KHDRBS1: variants seen among roughly 807,000 people sequenced by gnomAD.
The protein encoded by KHDRBS1 is KH RNA binding domain containing, signal transduction associated 1.
Under a neutral mutation model 48.4 loss-of-function variants are expected in KHDRBS1, and 7 were observed. That is an observed-to-expected ratio of 0.14 (90% CI 0.08 to 0.27). The LOEUF (loss-of-function observed/expected upper bound fraction) is 0.27, where lower values mean the gene tolerates loss of function less well. Among genes scored for constraint, KHDRBS1 ranks in the 10% least tolerant of loss-of-function variants. The probability of loss-of-function intolerance (pLI) is 1.00; values close to 1 mark genes in which losing one functional copy is unlikely to be tolerated. For missense variants in KHDRBS1, 458 were observed against 601.2 expected, an observed-to-expected ratio of 0.76 and a Z score of 2.49; for synonymous variants, 241 against 235.8, an observed-to-expected ratio of 1.02 and a Z score of -0.20.
chr1:32,025,851 C>T (rs1446405015), intron 1 of KHDRBS1, among the ~76,000 whole-genome samples: 1 of 150,312 alleles, frequency 6.7e-6, no homozygotes, highest in Admixed American at 6.7e-5. Context: ...CTCAAGCGAT[C>T]TTCCCACCAC....
chr1:32,020,775 A>G (rs762627805), intron 1 of KHDRBS1, among the ~76,000 whole-genome samples: 88 of 152,324 alleles, frequency 5.8e-4, no homozygotes, highest in Non-Finnish European at 1.0e-3. Context: ...GATGAAGACT[A>G]TATTAGTGGT....
intron 5 of KHDRBS1, 31 bp from the exon 6 acceptor site, chr1:32,037,804 G>A (rs771404641): frequency 6.2e-7 from 1 of 1,602,860 alleles, no homozygotes; most frequent in East Asian, 2.2e-5. Flanking sequence ...TTTATAAAAA[G>A]CTCCATTTAA....
In KHDRBS1 at chr1:32,018,294, A is replaced by G. The variant is rs138549354; in HGVS notation, c.382+3917A>G. ...GCCAACGTGGTGAAACCCTGTCTCT[A>G]CTAAAAATACAAAAAATTACCCCTG... On this transcript the variant is annotated intron_variant, in intron 1 of 8. Coordinates refer to ENST00000327300, the MANE Select transcript of KHDRBS1 (RefSeq NM_006559.3). Among the ~76,000 whole-genome samples, 305 of 151,572 alleles carry G rather than the reference A, an allele frequency of 2.0e-3. 9 individuals carry two copies. In the East Asian group the frequency reaches 0.037, roughly 18 times the overall value.
intron 1 of KHDRBS1, among the ~76,000 whole-genome samples, chr1:32,020,976 T>G (rs915440647): frequency 6.6e-6 from 1 of 152,178 alleles, no homozygotes; most frequent in Non-Finnish European, 1.5e-5. Context: ...TTTTTTTCCA[T>G]GAAACCTGTA....
intron 10 of KHDRBS1, among the ~76,000 whole-genome samples, chr1:32,050,346 C>T (rs1639403859): frequency 1.3e-5 from 2 of 152,104 alleles, no homozygotes; most frequent in Admixed American, 6.6e-5. Context: ...GTGGGTTGTC[C>T]TTTTACTTTC....
chr1:32,014,960 G>C (rs533331101), intron 1 of KHDRBS1, among the ~76,000 whole-genome samples: 1 of 152,334 alleles, frequency 6.6e-6, no homozygotes, highest in South Asian at 2.1e-4. Flanking sequence ...ATCGGAGCTT[G>C]AGGTTTCCGA....
rs1033209897 is a variant in KHDRBS1 at position 32,029,307 on chromosome 1, A to G, written c.383-991A>G. Among the ~76,000 whole-genome samples the G allele has an allele frequency of 4.6e-5, 7 of 152,234 alleles. No homozygotes were observed. The South Asian group carries it at 1.4e-3, about 31-fold the overall frequency. On this transcript the variant is annotated intron_variant, in intron 1 of 8. Transcript: ENST00000327300. ...TATCTCCACACTCATCATTGTATAC[A>G]TTAATTATGTATAACTTTTTACATA...
chr1:32,028,699 G>GT (rs1395056140), intron 1 of KHDRBS1, among the ~76,000 whole-genome samples: 3 of 151,054 alleles, frequency 2.0e-5, no homozygotes, highest in Non-Finnish European at 4.4e-5. Context: ...TAGAGATGGG[G>GT]TTTCACCGTG....
intron 2 of KHDRBS1, 38 bp downstream of exon 2, chr1:32,030,460 T>C (rs1454349104): frequency 1.3e-6 from 2 of 1,571,846 alleles, no homozygotes. Context: ...GAGTTATCTT[T>C]ATAGTTATGA....
Position 32,013,945 on chromosome 1 carries a change from T to C in KHDRBS1, c.-51T>C. On this transcript the variant is annotated 5_prime_UTR_variant, in exon 1 of 9. Transcript: ENST00000327300. ...ACCCCCGCCAACCGCCGCTCGGGCC[T>C]CCGTCGCTGCCGCGTCGCTTTCTCG... 1.4e-6 allele frequency: 2 copies of C among 1,383,898 alleles called. No homozygotes were observed. The highest frequency in any genetic ancestry group is 1.9e-6 in the Non-Finnish European group (2 of 1,071,924). 85.7% of individuals were successfully genotyped at this position (1,383,898 alleles called of 1,614,324 possible).
rs961920092 is a variant in KHDRBS1, at chr1:32,057,079, G to A, written n.1302-3084G>A. On this transcript the variant is annotated intron_variant and non_coding_transcript_variant, in intron 10 of 10. Transcript: ENST00000484270. ...GATGTTTAAGCCAACATATAAAGGA[G>A]GACTTAGCTAGGCAGAGGGCTTGGG... Among the ~76,000 whole-genome samples, 6 of 152,282 alleles carry A rather than the reference G, an allele frequency of 3.9e-5. No homozygotes were observed. In the East Asian group the frequency reaches 5.8e-4, roughly 15 times the overall value.
At chr1:32,032,715 T>C (rs1298705782) in intron 3 of KHDRBS1, among the ~76,000 whole-genome samples, 1 of 151,552 alleles carries the variant, frequency 6.6e-6, no homozygotes, top group African/African-American at 2.4e-5. Context: ...TTTTTTTTTT[T>C]CTTGAGAGGG....
intron 1 of KHDRBS1, among the ~76,000 whole-genome samples, chr1:32,018,899 T>C (rs1391722254): frequency 2.0e-5 from 3 of 152,132 alleles, no homozygotes; most frequent in South Asian, 2.1e-4. Flanking sequence ...GGTGAAACCC[T>C]GTCTCTACTA....
intron 10 of KHDRBS1, among the ~76,000 whole-genome samples, chr1:32,050,828 T>C (rs1639410480): frequency 1.3e-5 from 2 of 151,974 alleles, no homozygotes; most frequent in African/African-American, 2.4e-5. Context: ...CTTTAATTCT[T>C]GCATTTAGGT....
chr1:32,033,051 C>T (rs1240144515), intron 3 of KHDRBS1, 137 bp from the exon 4 acceptor site: 16 of 594,810 alleles, frequency 2.7e-5, no homozygotes, highest in South Asian at 5.4e-5. Flanking sequence ...TTGTTTAATT[C>T]TTCTCAGCTC....
chr1:32,040,118 A>G (rs1202180261), intron 8 of KHDRBS1, among the ~76,000 whole-genome samples: 1 of 152,146 alleles, frequency 6.6e-6, no homozygotes, highest in African/African-American at 2.4e-5. Flanking sequence ...CGGGGCAAGA[A>G]TAGTGCCTAT....
chr1:32,019,333 T>C (rs1056687107), intron 1 of KHDRBS1, among the ~76,000 whole-genome samples: 1 of 152,036 alleles, frequency 6.6e-6, no homozygotes, highest in Non-Finnish European at 1.5e-5. Flanking sequence ...GTGGATTAAC[T>C]GAGGTCAGGA....
Position 32,027,738 on chromosome 1 carries a change from A to G in KHDRBS1, c.383-2560A>G, listed in dbSNP as rs550965018. On this transcript the variant is annotated intron_variant, in intron 1 of 8. Coordinates refer to ENST00000327300, the MANE Select transcript of KHDRBS1 (RefSeq NM_006559.3). ...AAACAAGCATTCAGTCTGAAATTCTAAATTCTCTAAGGCATGTCAGAGTCA... is the reference window on the plus strand; with the variant it reads ...AAACAAGCATTCAGTCTGAAATTCTGAATTCTCTAAGGCATGTCAGAGTCA... 5.9e-5 allele frequency among the ~76,000 whole-genome samples: 9 copies of G among 152,342 alleles called. No individual in the cohort carries two copies. In the South Asian group the frequency reaches 1.7e-3, roughly 28 times the overall value.
intron 3 of KHDRBS1, 134 bp from the exon 4 acceptor site, chr1:32,033,054 C>T: frequency 1.6e-6 from 1 of 627,464 alleles, no homozygotes; most frequent in Non-Finnish European, 2.8e-6. Context: ...TTTAATTCTT[C>T]TCAGCTCATA....
Sources: allele counts gnomAD v4.1 joint callset (sites outside exome capture counted in the v4.1 genomes callset), GRCh38; gene constraint gnomAD v4.1.1; transcripts MANE v1.5; gene names NCBI Gene and HGNC (gene_info 2026-07-23, HGNC 2026-07-21).